Variants in SNX31 observed in about 807,000 individuals in gnomAD.
SNX31 encodes the protein sorting nexin 31.
A neutral mutation model predicts 65.4 loss-of-function variants in SNX31; 58 were observed. That is an observed-to-expected ratio of 0.89 (90% CI 0.72 to 1.10). The LOEUF is 1.10. SNX31 is among the 50% of genes least tolerant of loss of function. The probability of loss-of-function intolerance (pLI) is 0.00; values close to 1 mark genes in which losing one functional copy is unlikely to be tolerated. For missense variants in SNX31, 523 were observed against 529.7 expected (o/e 0.99, Z 0.12); for synonymous variants, 181 against 190.1 (o/e 0.95, Z 0.39).
intron 9 of SNX31, 102 bp downstream of exon 9, chr8:100,600,247 T>G: frequency 1.1e-6 from 1 of 928,694 alleles, no homozygotes; most frequent in Non-Finnish European, 1.7e-6. Context: ...GAGCCCCACT[T>G]TTAGTGCTTG....
intron 2 of SNX31, among the ~76,000 whole-genome samples, chr8:100,646,408 CAGTTGGTAAACATTTGTTTCAG>C (rs1563586721): frequency 6.6e-6 from 1 of 152,172 alleles, no homozygotes; most frequent in Non-Finnish European, 1.5e-5. Context: ...TCAGAAAGAA[CAGTTGGTAAACATTTGTTTCAG>C]ACCTTTAAAG....
At chr8:100,661,455 G>C (rs1809786348) in intron 1 of SNX31, among the ~76,000 whole-genome samples, 1 of 152,164 alleles carries the variant, frequency 6.6e-6, no homozygotes, top group Admixed American at 6.5e-5. Flanking sequence ...AACAAGACTG[G>C]AACTGAGTGT....
chr8:100,621,044 T>C (rs1303192625), intron 4 of SNX31, among the ~76,000 whole-genome samples: 1 of 152,208 alleles, frequency 6.6e-6, no homozygotes, highest in African/African-American at 2.4e-5. Flanking sequence ...CTTGAGAGGC[T>C]GAGTCAGGAG....
In SNX31 at chr8:100,630,967, T is replaced by C. The variant is rs1263100241; in HGVS notation, c.257-576A>G. 6.6e-6 allele frequency among the ~76,000 whole-genome samples: 1 copy of C among 152,066 alleles called. No individual in the cohort carries two copies. The highest frequency in any genetic ancestry group is 1.5e-5 in the Non-Finnish European group (1 of 68,010). On this transcript the variant is annotated intron_variant, in intron 3 of 13. Transcript: ENST00000311812. The surrounding 1 kb of genome is among the most constrained non-coding windows in gnomAD (Gnocchi z 5.3). Reference sequence around the variant, plus strand: ...CATGCCCGGCTAATTTTTGTATTTTTAGTAGAGATGGGGTTTCACCATGTT... The same window carrying C: ...CATGCCCGGCTAATTTTTGTATTTTCAGTAGAGATGGGGTTTCACCATGTT...
intron 4 of SNX31, among the ~76,000 whole-genome samples, chr8:100,627,139 G>T (rs904118199): frequency 5.9e-5 from 9 of 152,146 alleles, no homozygotes; most frequent in Non-Finnish European, 1.0e-4. Context: ...AGATCACAAG[G>T]TCAGGAGTTC....
At chr8:100,650,336 C>T (rs1322497642), upstream of SNX31, among the ~76,000 whole-genome samples, 1 of 152,220 alleles carries the variant, frequency 6.6e-6, no homozygotes, top group Non-Finnish European at 1.5e-5. Context: ...GGGCTGGCTC[C>T]GTTCTTCCCT....
chr8:100,599,702 C>T (rs1182202555), intron 9 of SNX31, among the ~76,000 whole-genome samples: 1 of 152,068 alleles, frequency 6.6e-6, no homozygotes, highest in African/African-American at 2.4e-5. Context: ...TTTAAAAAGA[C>T]AACACAACAA....
Position 100,610,207 on chromosome 8 carries a change from T to C in SNX31, c.612-1644A>G, listed in dbSNP as rs1816582403. ...ATAATTTGGGGTAGACGTTTTCTCT[T>C]GCACGTATCATCTAGAGTTTACGTA... On this transcript the variant is annotated intron_variant, in intron 7 of 13. Transcript: ENST00000311812. The surrounding 1 kb of genome is among the most constrained non-coding windows in gnomAD (Gnocchi z 4.0). Among the ~76,000 whole-genome samples the C allele has an allele frequency of 6.6e-6, 1 of 152,226 alleles. No homozygotes were observed. The highest frequency in any genetic ancestry group is 1.5e-5 in the Non-Finnish European group (1 of 68,040).
intron 7 of SNX31, 38 bp from the exon 8 acceptor site, chr8:100,608,601 A>G (rs2131001433): frequency 6.9e-6 from 11 of 1,599,648 alleles, no homozygotes; most frequent in Non-Finnish European, 9.4e-6. Flanking sequence ...TTCCTGTGAC[A>G]TGGCCCATGG....
At chr8:100,579,918 G>A (rs1035877189) in intron 12 of SNX31, among the ~76,000 whole-genome samples, 12 of 151,954 alleles carry the variant, frequency 7.9e-5, no homozygotes, top group South Asian at 4.2e-4. Flanking sequence ...TCAGCACTTC[G>A]GGAGGCCAAG....
At position 100,622,973 on chromosome 8, in the gene SNX31, C is replaced by T. The variant is rs187500192; in HGVS notation, c.322-5243G>A. On this transcript the variant is annotated intron_variant, in intron 4 of 13. Coordinates refer to ENST00000311812, the MANE Select transcript of SNX31 (RefSeq NM_152628.4). This position sits in a 1 kb window ranked among gnomAD's most constrained non-coding sequence, Gnocchi z 5.0. ...ACAAATCAGTTGGCAGCTGCACTCA[C>T]CTTCCTTCCACCTTCTATCACACCC... Among the ~76,000 whole-genome samples the T allele has an allele frequency of 6.6e-6, 1 of 152,338 alleles. No individual in the cohort carries two copies. The highest frequency in any genetic ancestry group is 1.5e-5 in the Non-Finnish European group (1 of 68,036).
At chr8:100,574,142 C>T (rs1300990431) in intron 13 of SNX31, among the ~76,000 whole-genome samples, 182 bp from the exon 14 acceptor site, 1 of 152,164 alleles carries the variant, frequency 6.6e-6, no homozygotes, top group Non-Finnish European at 1.5e-5. Flanking sequence ...AGTGTAAATA[C>T]ACTCGTTAGG....
intron 12 of SNX31, among the ~76,000 whole-genome samples, chr8:100,581,328 T>TATA (rs1491412735): frequency 1.5e-5 from 1 of 68,418 alleles, no homozygotes; most frequent in African/African-American, 7.6e-5. Context: ...TCTATATCTA[T>TATA]CTATCTATCT....
chr8:100,580,292 G>A (rs377244003), intron 12 of SNX31, among the ~76,000 whole-genome samples: 10 of 152,034 alleles, frequency 6.6e-5, no homozygotes, highest in African/African-American at 2.4e-4. Context: ...AAATTCCTTA[G>A]GAACACATCT....
chr8:100,575,794 G>A lies in SNX31; in HGVS notation c.1227+1225C>T, dbSNP rs1813002356. ...TTCTGGTTGTATAATAGGACCACTT[G>A]GGGAGCTTTTAAAAATTCCATTGCC... On this transcript the variant is annotated intron_variant, in intron 13 of 13. Coordinates refer to ENST00000311812, the MANE Select transcript of SNX31 (RefSeq NM_152628.4). The surrounding 1 kb of genome is among the most constrained non-coding windows in gnomAD (Gnocchi z 5.1). Among the ~76,000 whole-genome samples, 1 of 152,128 alleles carries A rather than the reference G, an allele frequency of 6.6e-6. No homozygotes were observed. The highest frequency in any genetic ancestry group is 2.1e-4 in the South Asian group (1 of 4,820).
chr8:100,609,392 G>A lies in SNX31; in HGVS notation c.612-829C>T, dbSNP rs1488585239. ...TTATTCCAATTGCCACTCTGATTAA[G>A]TTTTCTTGACACCATCTGTGAAGAA... is the stretch of plus-strand genomic sequence containing the variant. On this transcript the variant is annotated intron_variant, in intron 7 of 13. Transcript: ENST00000311812. This position sits in a 1 kb window ranked among gnomAD's most constrained non-coding sequence, Gnocchi z 4.9. Among the ~76,000 whole-genome samples, 1 of 152,178 alleles carries A rather than the reference G, an allele frequency of 6.6e-6. No individual in the cohort carries two copies. Among genetic ancestry groups the A allele is most frequent in the Non-Finnish European group, 1.5e-5 (1 of 68,040 alleles).
intron 8 of SNX31, among the ~76,000 whole-genome samples, chr8:100,601,756 G>C (rs908611637): frequency 6.6e-6 from 1 of 152,192 alleles, no homozygotes; most frequent in Non-Finnish European, 1.5e-5. Flanking sequence ...TCCACTGCAG[G>C]CTTCAGCAGA....
At position 100,576,973 on chromosome 8, in the gene SNX31, T is replaced by G; in HGVS notation, c.1227+46A>C. 1 of 1,461,896 alleles carries G rather than the reference T, an allele frequency of 6.8e-7. No individual in the cohort carries two copies. The highest frequency in any genetic ancestry group is 9.5e-7 in the Non-Finnish European group (1 of 1,052,106). 90.6% of individuals were successfully genotyped at this position (1,461,896 alleles called of 1,614,324 possible). On this transcript the variant is annotated intron_variant, in intron 13 of 13. Coordinates refer to ENST00000311812, the MANE Select transcript of SNX31 (RefSeq NM_152628.4). This position sits in a 1 kb window ranked among gnomAD's most constrained non-coding sequence, Gnocchi z 4.8. ...TGGTTAAAGAGGAAAAAAGATCAGA[T>G]TTATCAAAATTATAATGTACCAATT...
intron 8 of SNX31, among the ~76,000 whole-genome samples, chr8:100,603,801 G>A (rs1322256270): frequency 6.6e-6 from 1 of 151,050 alleles, no homozygotes; most frequent in East Asian, 2.0e-4. Flanking sequence ...GCAGTGGTGT[G>A]ATCTCATCTC....
Sources: gnomAD v4.1 joint callset for allele counts (sites outside exome capture counted in the v4.1 genomes callset) on GRCh38, gnomAD v4.1.1 for gene constraint, Gnocchi (gnomAD v3.1) non-coding constraint, MANE v1.5 for transcripts, NCBI Gene and HGNC (gene_info 2026-07-23, HGNC 2026-07-21) for gene names.